The following SNX29 variants were observed in gnomAD, a reference collection of about 807,000 sequenced individuals.
The protein encoded by SNX29 is sorting nexin 29, also known as sorting nexin-29.
SNX29 carries 78 observed loss-of-function variants against 102.1 expected under a neutral mutation model. The ratio of observed to expected loss-of-function variants is 0.76; its 90% CI spans 0.64 to 0.92. The LOEUF (loss-of-function observed/expected upper bound fraction) is 0.92, where lower values mean the gene tolerates loss of function less well. Ranked by LOEUF, SNX29 falls within the 40% of genes least tolerant of loss-of-function variation. SNX29 has a pLI of 0.00. For synonymous variants in SNX29, 580 were observed against 414.5 expected (o/e 1.40, Z -4.85); for missense variants, 1,280 against 1,061.7 (o/e 1.21, Z -2.86).
At chr16:12,394,060 C>A (rs1423771813) in intron 16 of SNX29, among the ~76,000 whole-genome samples, 24 of 152,188 alleles carry the variant, frequency 1.6e-4, no homozygotes, top group Admixed American at 1.6e-3. Flanking sequence ...TGGAAAAGGA[C>A]CTGGGACTTC....
chr16:12,153,095 G>C (rs777230572), intron 13 of SNX29, among the ~76,000 whole-genome samples: 1 of 152,312 alleles, frequency 6.6e-6, no homozygotes, highest in East Asian at 1.9e-4. Flanking sequence ...TTTTAGTCAA[G>C]GATAATAATT....
In SNX29 at chr16:12,253,069, C is replaced by T. The variant is rs114818532; in HGVS notation, c.1679-24864C>T. On this transcript the variant is annotated intron_variant, in intron 14 of 20. Transcript: ENST00000566228. Reference sequence around the variant, plus strand: ...CTTTGGGTCATTTTTGTGGGTCTAGCGGTTCTAGAGGCATGTTCAAGGGTT... The same window carrying T: ...CTTTGGGTCATTTTTGTGGGTCTAGTGGTTCTAGAGGCATGTTCAAGGGTT... Among the ~76,000 whole-genome samples the T allele has an allele frequency of 1.2e-3, 179 of 152,198 alleles. 1 individual carries two copies. Among genetic ancestry groups the T allele is most frequent in the African/African-American group, 4.0e-3 (165 of 41,526 alleles).
At chr16:12,413,387 G>A (rs970201493) in intron 18 of SNX29, among the ~76,000 whole-genome samples, 1 of 151,916 alleles carries the variant, frequency 6.6e-6, no homozygotes, top group Non-Finnish European at 1.5e-5. Flanking sequence ...AGAGGGTGGG[G>A]TACAGGGTGG....
intron 16 of SNX29, among the ~76,000 whole-genome samples, chr16:12,392,852 C>G (rs1028401133): frequency 2.6e-5 from 4 of 152,152 alleles, no homozygotes; most frequent in Non-Finnish European, 5.9e-5. Context: ...TGAAAGTGCT[C>G]CAGAACTGGG....
chr16:12,535,922 G>A (rs984392457), intron 20 of SNX29, among the ~76,000 whole-genome samples: 1 of 152,204 alleles, frequency 6.6e-6, no homozygotes, highest in Non-Finnish European at 1.5e-5. Flanking sequence ...GAAAGGGCTA[G>A]AAAATGGGGC....
intron 15 of SNX29, among the ~76,000 whole-genome samples, chr16:12,340,228 G>A (rs1407317950): frequency 6.6e-6 from 1 of 152,208 alleles, no homozygotes; most frequent in Non-Finnish European, 1.5e-5. Flanking sequence ...AGAATGGAAT[G>A]CAGCTGTAGA....
chr16:12,549,112 TAGC>T (rs1488151920), intron 20 of SNX29, among the ~76,000 whole-genome samples: 2 of 152,210 alleles, frequency 1.3e-5, no homozygotes, highest in East Asian at 3.8e-4. Context: ...CTTGGGGACA[TAGC>T]AGATGGAAAA....
intron 20 of SNX29, among the ~76,000 whole-genome samples, chr16:12,539,352 C>G (rs974654197): frequency 6.6e-6 from 1 of 152,000 alleles, no homozygotes; most frequent in Non-Finnish European, 1.5e-5. Flanking sequence ...TAAATGGAAT[C>G]ATACTGTAAG....
At chr16:12,245,973 T>G (rs1055628175) in intron 14 of SNX29, among the ~76,000 whole-genome samples, 1 of 152,200 alleles carries the variant, frequency 6.6e-6, no homozygotes, top group African/African-American at 2.4e-5. Context: ...ATATTAACAA[T>G]GCTTAATGAG....
chr16:12,280,871 G>C (rs870641), intron 15 of SNX29, among the ~76,000 whole-genome samples: 6 of 152,076 alleles, frequency 3.9e-5, no homozygotes, highest in Non-Finnish European at 7.4e-5. Flanking sequence ...GTTTCTTTCC[G>C]TGTCAGAAGG....
At chr16:12,013,588 C>T (rs2056752060) in intron 3 of SNX29, among the ~76,000 whole-genome samples, 1 of 130,776 alleles carries the variant, frequency 7.6e-6, no homozygotes, top group Non-Finnish European at 1.6e-5. Flanking sequence ...GGCCAGAAAG[C>T]AGGAATGAAA....
intron 19 of SNX29, among the ~76,000 whole-genome samples, chr16:12,484,053 C>G (rs1301701489): frequency 6.6e-6 from 1 of 152,192 alleles, no homozygotes. Flanking sequence ...CTTCACCCAT[C>G]CAAAACTATA....
chr16:12,413,950 C>A (rs1455438839), intron 18 of SNX29, among the ~76,000 whole-genome samples: 1 of 152,210 alleles, frequency 6.6e-6, no homozygotes, highest in Non-Finnish European at 1.5e-5. Flanking sequence ...GTGCTCAAGT[C>A]CCTCATATAA....
chr16:12,183,115 T>G (rs958913824), intron 13 of SNX29, among the ~76,000 whole-genome samples: 7 of 152,206 alleles, frequency 4.6e-5, no homozygotes, highest in African/African-American at 1.7e-4. Context: ...TCCTCCTGCC[T>G]CAGACTCCCA....
intron 16 of SNX29, among the ~76,000 whole-genome samples, chr16:12,382,442 C>G (rs1186341275): frequency 1.3e-5 from 2 of 152,136 alleles, no homozygotes; most frequent in Non-Finnish European, 2.9e-5. Context: ...TGCCCTTGAG[C>G]AAGTTAAGTC....
rs561700800 is a variant in SNX29 at position 12,535,180 on chromosome 16, C to G, written c.2318+10339C>G. On this transcript the variant is annotated intron_variant, in intron 20 of 20. Coordinates refer to ENST00000566228, the MANE Select transcript of SNX29 (RefSeq NM_032167.5). Reference sequence around the variant, plus strand: ...TTGAGACAGAGTCTCACTCTGTCACCAAGGCTGGAGTGCAGTGGTGTGATT... The same window carrying G: ...TTGAGACAGAGTCTCACTCTGTCACGAAGGCTGGAGTGCAGTGGTGTGATT... Among the ~76,000 whole-genome samples the G allele has an allele frequency of 5.9e-5, 9 of 152,302 alleles. No homozygotes were observed. In the South Asian group the frequency reaches 1.9e-3, roughly 32 times the overall value.
chr16:12,334,448 A>C (rs906611898), intron 15 of SNX29, among the ~76,000 whole-genome samples: 1 of 152,156 alleles, frequency 6.6e-6, no homozygotes, highest in Non-Finnish European at 1.5e-5. Context: ...GGCACCGTGC[A>C]AACCACTTTG....
At chr16:12,214,703 C>G (rs2077276213) in intron 14 of SNX29, among the ~76,000 whole-genome samples, 1 of 152,012 alleles carries the variant, frequency 6.6e-6, no homozygotes, top group Non-Finnish European at 1.5e-5. Context: ...GAAATAGACT[C>G]CCTCCTTGTC....
intron 14 of SNX29, among the ~76,000 whole-genome samples, chr16:12,267,768 A>G (rs1390630833): frequency 6.6e-6 from 1 of 152,062 alleles, no homozygotes; most frequent in Non-Finnish European, 1.5e-5. Flanking sequence ...CCTGGCTTCT[A>G]CCTCCCAGCC....
Sources: allele counts gnomAD v4.1 joint callset (sites outside exome capture counted in the v4.1 genomes callset), GRCh38; gene constraint gnomAD v4.1.1; transcripts MANE v1.5; gene names NCBI Gene and HGNC (gene_info 2026-07-23, HGNC 2026-07-21).